Variants in PSG1 observed in about 807,000 individuals in gnomAD.
PSG1 encodes the protein pregnancy specific beta-1-glycoprotein 1.
PSG1 carries 60 observed loss-of-function variants against 41.4 expected under a neutral mutation model. The observed-to-expected ratio is 1.45, with a 90% CI of 1.18 to 1.80. The LOEUF is 1.80. Ranked by LOEUF, PSG1 falls within the 40% of genes most tolerant of loss-of-function variation. The pLI is 0.00. For synonymous variants in PSG1, 256 were observed against 192.9 expected, an observed-to-expected ratio of 1.33 and a Z score of -2.71; for missense variants, 806 against 516.9, an observed-to-expected ratio of 1.56 and a Z score of -5.42.
rs1058959 is a variant in PSG1 at position 42,878,088 on chromosome 19, G to T, written c.255C>A (p.Asp85Glu). The change falls in exon 2 of 6, where the codon GAC (aspartate) becomes GAA (glutamate). Residue 85 changes from aspartate (D) to glutamate (E), a missense_variant. Coordinates refer to ENST00000436291, the MANE Select transcript of PSG1 (RefSeq NM_001184825.2). ...LYHYITSYVV[D>E]GEIIIYGPAY... ...CAGGCCCATATATAATTATTTCACC[G>T]TCTACTACATATGATGTAATGTAAT... 1 of 1,612,134 alleles carries T rather than the reference G, an allele frequency of 6.2e-7. No homozygotes were observed.
chr19:42,868,153 A>C lies in PSG1; in HGVS notation c.1191T>G (p.Arg397=). 6.2e-7 allele frequency: 1 copy of C among 1,612,448 alleles called. No homozygotes were observed. The highest frequency in any genetic ancestry group is 8.5e-7 in the Non-Finnish European group (1 of 1,179,124). ...KHSGLYVCSV[R]NSATGKESSK... ...AGCTTTCCTTGCCAGTGGCTGAGTT[A>C]CGAACAGAGCAAACATAGAGCCCGC... The change falls in exon 5 of 6, where the codon CGT becomes CGG. Residue 397 remains arginine (R), a synonymous_variant. Transcript: ENST00000436291.
Position 42,878,270 on chromosome 19 carries a change from A to G in PSG1, c.73T>C (p.Leu25=), listed in dbSNP as rs1039952779. The change falls in exon 2 of 6, where the codon TTA becomes CTA. Residue 25 remains leucine (L), a synonymous_variant. Transcript: ENST00000436291. ...WKGLLLTASL[L]NFWNLPTTAQ... is the part of the protein sequence containing the mutation. ...GTGGTGGGCAGGTTCCAGAAGTTTA[A>G]AAGTGATGCTAGGAGGTGGAGAGAA... 6.2e-7 allele frequency: 1 copy of G among 1,606,070 alleles called. No homozygotes were observed. Among genetic ancestry groups the G allele is most frequent in the Non-Finnish European group, 8.5e-7 (1 of 1,176,462 alleles).
chr19:42,868,898 G>C lies in PSG1; in HGVS notation c.846C>G (p.Val282=). 3.1e-6 allele frequency: 5 copies of C among 1,610,678 alleles called. No homozygotes were observed. The highest frequency in any genetic ancestry group is 4.2e-6 in the Non-Finnish European group (5 of 1,179,082). Residue 282 remains valine, a synonymous_variant, in exon 4 of 6, where the codon GTC becomes GTG. Coordinates refer to ENST00000436291, the MANE Select transcript of PSG1 (RefSeq NM_001184825.2). ...CAATGGGTCGCTTTACCCTGGGACT[G>C]ACCGGGAGGCTCTGACCATTTAGCC... is the stretch of plus-strand genomic sequence containing the variant. ...IWWLNGQSLP[V]SPRVKRPIEN... is the part of the protein sequence containing the mutation.
chr19:42,869,152 A>G (rs948363714), intron 3 of PSG1, 118 bp from the exon 4 acceptor site: 20 of 1,534,204 alleles, frequency 1.3e-5, no homozygotes, highest in Non-Finnish European at 1.5e-5. Flanking sequence ...TTGAAAGCCA[A>G]TAGCTGGTGC....
chr19:42,867,254 A>T (rs1971171017), intron 5 of PSG1, 104 bp from the exon 6 acceptor site: 1 of 733,586 alleles, frequency 1.4e-6, no homozygotes, highest in African/African-American at 1.7e-5. Context: ...CTCTATGGGC[A>T]TCTCTACTTT....
chr19:42,874,591 T>C (rs1451751171), intron 2 of PSG1, among the ~76,000 whole-genome samples: 1 of 151,766 alleles, frequency 6.6e-6, no homozygotes, highest in African/African-American at 2.4e-5. Context: ...TGTGCCCGCC[T>C]CGGCCTCCCA....
chr19:42,879,155 T>A (rs1971756059), intron 1 of PSG1, among the ~76,000 whole-genome samples: 2 of 122,124 alleles, frequency 1.6e-5, no homozygotes, highest in South Asian at 3.0e-4. Context: ...TTTTTCTTTT[T>A]TCTTTTTTTT....
intron 2 of PSG1, among the ~76,000 whole-genome samples, chr19:42,873,208 G>A (rs1225208403): frequency 2.0e-5 from 3 of 151,746 alleles, no homozygotes; most frequent in Non-Finnish European, 2.9e-5. Flanking sequence ...TCCTTATGCA[G>A]AAAGCTTGAA....
rs1317908958 is a variant in PSG1 at position 42,879,550 on chromosome 19, T to C, written c.32A>G (p.Gln11Arg). 2 of 1,609,122 alleles carry C rather than the reference T, an allele frequency of 1.2e-6. No individual in the cohort carries two copies. The highest frequency in any genetic ancestry group is 8.5e-7 in the Non-Finnish European group (1 of 1,177,338). Residue 11 changes from glutamine (Q) to arginine (R), a missense_variant, in exon 1 of 6, where the codon CAG becomes CGG. Gln to Arg is a conservative substitution (Grantham distance 43). Transcript: ENST00000436291. MGTLSAPPCT[Q>R]RIKWKGLLLT... is the part of the protein sequence containing the mutation. ...CAGGAGCCCCTTCCATTTGATGCGCTGTGTGCAGGGAGGGGCTGAGAGGGT... is the reference window on the plus strand; with the variant it reads ...CAGGAGCCCCTTCCATTTGATGCGCCGTGTGCAGGGAGGGGCTGAGAGGGT...
rs1971264350 is a variant in PSG1 at position 42,868,977 on chromosome 19, T to C, written c.767A>G (p.Asp256Gly). 2.9e-5 allele frequency: 47 copies of C among 1,610,498 alleles called. 1 individual carries two copies. The highest frequency in any genetic ancestry group is 4.0e-5 in the Non-Finnish European group (47 of 1,179,060). ...INNLNPRENK[D>G]VLNFTCEPKS... ...AGGTTCACAGGTGAAGTTTAAGACA[T>C]CCTTATTCTCCCTGGGGTTTAAGTT... Residue 256 changes from aspartate to glycine, a missense_variant, in exon 4 of 6, where the codon GAT becomes GGT. Asp to Gly is a moderately conservative substitution (Grantham distance 94, BLOSUM62 -1). Transcript: ENST00000436291.
chr19:42,871,615 T>C, intron 3 of PSG1, 152 bp downstream of exon 3: 1 of 1,576,666 alleles, frequency 6.3e-7, no homozygotes, highest in Non-Finnish European at 8.7e-7. Context: ...CTAGGTCTAC[T>C]CTGGTTTGCC....
intron 5 of PSG1, 147 bp downstream of exon 5, chr19:42,867,954 A>C: frequency 6.4e-7 from 1 of 1,574,550 alleles, no homozygotes; most frequent in Non-Finnish European, 8.6e-7. Context: ...TTCTTAGACA[A>C]ATTTGGAGGG....
Position 42,869,003 on chromosome 19 carries a change from G to T in PSG1, c.741C>A (p.Asn247Lys), listed in dbSNP as rs769102835. 2 of 1,610,792 alleles carry T rather than the reference G, an allele frequency of 1.2e-6. No individual in the cohort carries two copies. Among genetic ancestry groups the T allele is most frequent in the African/African-American group, 2.7e-5 (2 of 74,784 alleles). ...PKLPKPYITI[N>K]NLNPRENKDV... ...CCTTATTCTCCCTGGGGTTTAAGTT[G>T]TTGATGGTGATGTAGGGCTTGGGCA... The change falls in exon 4 of 6, where the codon AAC (asparagine) becomes AAA (lysine). Residue 247 changes from asparagine (N) to lysine (K), a missense_variant. Transcript: ENST00000436291.
chr19:42,866,951 A>G lies in PSG1; in HGVS notation c.*183T>C. 2 of 745,624 alleles carry G rather than the reference A, an allele frequency of 2.7e-6. No homozygotes were observed. The highest frequency in any genetic ancestry group is 1.4e-5 in the South Asian group (1 of 72,096). 46.2% of individuals were successfully genotyped at this position (745,624 alleles called of 1,614,324 possible). A position where few individuals can be genotyped will look rare whatever the true frequency, so the allele number is the denominator to read the frequency against. On this transcript the variant is annotated 3_prime_UTR_variant, in exon 6 of 6. Coordinates refer to ENST00000436291, the MANE Select transcript of PSG1 (RefSeq NM_001184825.2). Reference sequence around the variant, plus strand: ...TGTTGTCCTGGTTTACAGTTTGAGCATCTGTTGTTATGGTGTCGAATATTT... The same window carrying G: ...TGTTGTCCTGGTTTACAGTTTGAGCGTCTGTTGTTATGGTGTCGAATATTT...
At chr19:42,868,036 C>T in intron 5 of PSG1, 65 bp downstream of exon 5, 1 of 1,611,594 alleles carries the variant, frequency 6.2e-7, no homozygotes, top group Non-Finnish European at 8.5e-7. Context: ...TTTCCTGACT[C>T]TTCTCTGAAT....
intron 2 of PSG1, among the ~76,000 whole-genome samples, chr19:42,876,407 G>T (rs1445499405): frequency 2.0e-5 from 3 of 151,498 alleles, no homozygotes; most frequent in East Asian, 3.9e-4. Context: ...GGTAGTGGGG[G>T]GATGAAACAT....
Position 42,878,234 on chromosome 19 carries a change from T to C in PSG1, c.109A>G (p.Thr37Ala). Residue 37 changes from threonine (T) to alanine (A), a missense_variant, in exon 2 of 6, where the codon ACG (threonine) becomes GCG (alanine). By Grantham distance (58) the Thr-to-Ala change is moderately conservative. Transcript: ENST00000436291. ...ACTTTGGTTGGCTCGGCTTCAATCG[T>C]GACTTGGGCAGTGGTGGGCAGGTTC... Reference protein sequence around the residue: ...FWNLPTTAQVTIEAEPTKVSE... With the variant: ...FWNLPTTAQVAIEAEPTKVSE... 2 of 1,610,938 alleles carry C rather than the reference T, an allele frequency of 1.2e-6. No individual in the cohort carries two copies. Among genetic ancestry groups the C allele is most frequent in the Non-Finnish European group, 1.7e-6 (2 of 1,178,680 alleles).
intron 2 of PSG1, among the ~76,000 whole-genome samples, chr19:42,875,727 A>G (rs1477970992): frequency 6.6e-6 from 1 of 151,666 alleles, no homozygotes; most frequent in Admixed American, 6.6e-5. Context: ...TTGAGTAATA[A>G]TAAACCTCTG....
intron 4 of PSG1, 50 bp downstream of exon 4, chr19:42,868,706 T>C: frequency 6.2e-7 from 1 of 1,604,840 alleles, no homozygotes; most frequent in Non-Finnish European, 8.5e-7. Flanking sequence ...CATCTGGTGG[T>C]TTGGATTTAA....
Sources: allele counts gnomAD v4.1 joint callset (sites outside exome capture counted in the v4.1 genomes callset), GRCh38; gene constraint gnomAD v4.1.1; transcripts MANE v1.5; gene names NCBI Gene and HGNC (gene_info 2026-07-23, HGNC 2026-07-21).